NELL1: variants seen among roughly 807,000 people sequenced by gnomAD.
NELL1 encodes the protein neural EGFL like 1.
NELL1 carries 76 observed loss-of-function variants against 107.4 expected under a neutral mutation model. The observed-to-expected ratio is 0.71, with a 90% CI of 0.59 to 0.86. The LOEUF is 0.86. Among genes scored for constraint, NELL1 ranks in the 40% least tolerant of loss-of-function variants. NELL1 has a pLI of 0.00. For synonymous variants in NELL1, 353 were observed against 341.2 expected, an observed-to-expected ratio of 1.03 and a Z score of -0.38; for missense variants, 1,024 against 1,005.5, an observed-to-expected ratio of 1.02 and a Z score of -0.25.
chr11:21,321,070 T>G (rs1396485129), intron 14 of NELL1, among the ~76,000 whole-genome samples: 1 of 152,230 alleles, frequency 6.6e-6, no homozygotes, highest in African/African-American at 2.4e-5. Context: ...TTCTAGGATT[T>G]GTTTTAGAAC....
intron 4 of NELL1, among the ~76,000 whole-genome samples, chr11:20,871,851 C>T (rs1252626953): frequency 2.0e-5 from 3 of 151,426 alleles, no homozygotes; most frequent in Non-Finnish European, 4.4e-5. Context: ...AACCCCGTCT[C>T]TACTAAAAAT....
Position 20,808,038 on chromosome 11 carries a change from A to G in NELL1, c.335+24208A>G, listed in dbSNP as rs1038738500. ...ACCCCAATAGCCTGCTTGGTGCTCT[A>G]TCCCACTGTGGCCAAGCTGGTACCT... On this transcript the variant is annotated intron_variant, in intron 3 of 19. Coordinates refer to ENST00000357134, the MANE Select transcript of NELL1 (RefSeq NM_006157.5). Among the ~76,000 whole-genome samples, 9 of 152,292 alleles carry G rather than the reference A, an allele frequency of 5.9e-5. No homozygotes were observed. The East Asian group carries it at 1.2e-3, about 20-fold the overall frequency.
intron 12 of NELL1, among the ~76,000 whole-genome samples, chr11:21,100,042 A>G (rs1005604740): frequency 6.6e-6 from 1 of 151,476 alleles, no homozygotes; most frequent in Admixed American, 6.6e-5. Flanking sequence ...TGAGACACAG[A>G]GTATTGCTTT....
chr11:21,186,556 G>T (rs1449565039), intron 13 of NELL1, among the ~76,000 whole-genome samples: 1 of 151,820 alleles, frequency 6.6e-6, no homozygotes, highest in African/African-American at 2.4e-5. Flanking sequence ...TCCAAGGCTT[G>T]TTAAGCCTTT....
At chr11:21,190,195 T>C (rs1484119670) in intron 13 of NELL1, among the ~76,000 whole-genome samples, 1 of 151,514 alleles carries the variant, frequency 6.6e-6, no homozygotes, top group Non-Finnish European at 1.5e-5. Context: ...TCGTCTAAAA[T>C]ACAAAAATTA....
chr11:20,973,438 A>G (rs537867334), intron 12 of NELL1, among the ~76,000 whole-genome samples: 1 of 152,212 alleles, frequency 6.6e-6, no homozygotes, highest in African/African-American at 2.4e-5. Flanking sequence ...CATATTTTTT[A>G]GGTTAAGAGC....
chr11:21,457,386 T>C (rs1853773689), intron 15 of NELL1, among the ~76,000 whole-genome samples: 1 of 152,110 alleles, frequency 6.6e-6, no homozygotes, highest in Non-Finnish European at 1.5e-5. Flanking sequence ...TTGTTAGAGA[T>C]AGGACTGAAA....
chr11:20,824,520 C>T (rs1857830701), intron 3 of NELL1, among the ~76,000 whole-genome samples: 1 of 150,836 alleles, frequency 6.6e-6, no homozygotes, highest in African/African-American at 2.4e-5. Context: ...CTTGGAGGGC[C>T]CAGAAGACAG....
chr11:20,671,120 A>C (rs912160061), intron 1 of NELL1: 2 of 152,352 alleles, frequency 1.3e-5, no homozygotes, highest in Non-Finnish European at 2.9e-5. Context: ...GAAACCTCCC[A>C]TTCCGTTCCT....
At chr11:21,505,436 A>G (rs969163711) in intron 15 of NELL1, among the ~76,000 whole-genome samples, 1 of 152,086 alleles carries the variant, frequency 6.6e-6, no homozygotes, top group African/African-American at 2.4e-5. Flanking sequence ...GATGGTGACT[A>G]AACTTTAGGA....
chr11:21,238,010 C>T (rs903881290), intron 14 of NELL1, among the ~76,000 whole-genome samples: 11 of 152,042 alleles, frequency 7.2e-5, no homozygotes, highest in African/African-American at 1.4e-4. Flanking sequence ...TAATCAATCA[C>T]GTACTTGAAA....
intron 12 of NELL1, among the ~76,000 whole-genome samples, chr11:21,002,690 A>G (rs1300939250): frequency 6.6e-6 from 1 of 152,154 alleles, no homozygotes; most frequent in South Asian, 2.1e-4. Context: ...TACTGAGAGA[A>G]TTGCCTCATG....
intron 15 of NELL1, among the ~76,000 whole-genome samples, chr11:21,469,516 T>TGTC (rs1854121326): frequency 1.3e-5 from 2 of 152,234 alleles, no homozygotes; most frequent in East Asian, 3.9e-4. Flanking sequence ...TCTCTATAAT[T>TGTC]GTCTTTGCCA....
At chr11:20,855,015 G>T (rs114336953) in intron 4 of NELL1, among the ~76,000 whole-genome samples, 1,926 of 152,266 alleles carry the variant, frequency 0.013, 47 homozygotes, top group African/African-American at 0.044. Flanking sequence ...TACAGTGTTG[G>T]ATATCTCATT....
Position 20,713,108 on chromosome 11 carries a change from G to A in NELL1, c.184+35048G>A, listed in dbSNP as rs192740229. On this transcript the variant is annotated intron_variant, in intron 2 of 19. Coordinates refer to ENST00000357134, the MANE Select transcript of NELL1 (RefSeq NM_006157.5). ...CCTGAGTTGGTTGGCCTCCAGCCAG[G>A]AGGTGGCGCTTTCAAGAGAGCATCA... 3.8e-3 allele frequency among the ~76,000 whole-genome samples: 583 copies of A among 152,316 alleles called. 2 individuals carry two copies. The highest frequency in any genetic ancestry group is 6.6e-3 in the Non-Finnish European group (450 of 68,026).
intron 15 of NELL1, among the ~76,000 whole-genome samples, chr11:21,527,964 A>G (rs1440037657): frequency 6.6e-6 from 1 of 152,068 alleles, no homozygotes; most frequent in East Asian, 1.9e-4. Flanking sequence ...TCAAATGTTA[A>G]TCTCCTTTGG....
intron 5 of NELL1, among the ~76,000 whole-genome samples, chr11:20,888,027 A>G (rs1410205325): frequency 1.3e-5 from 2 of 152,170 alleles, no homozygotes; most frequent in Non-Finnish European, 2.9e-5. Flanking sequence ...AATAATAAAG[A>G]ATGTATGATG....
intron 12 of NELL1, among the ~76,000 whole-genome samples, chr11:20,976,579 A>G (rs570551718): frequency 2.0e-5 from 3 of 152,352 alleles, no homozygotes; most frequent in South Asian, 2.1e-4. Flanking sequence ...AACATTTTAC[A>G]TACCAGATAT....
Position 20,963,949 on chromosome 11 carries a change from A to T in NELL1, c.1300+3389A>T, listed in dbSNP as rs985484335. ...TAAGGTAGAAGCAGAGAGGTGGCATATTGGCTCCTGCTCTGTAGAGATTGT... is the reference window on the plus strand; with the variant it reads ...TAAGGTAGAAGCAGAGAGGTGGCATTTTGGCTCCTGCTCTGTAGAGATTGT... On this transcript the variant is annotated intron_variant, in intron 12 of 19. Coordinates refer to ENST00000357134, the MANE Select transcript of NELL1 (RefSeq NM_006157.5). 2.0e-5 allele frequency among the ~76,000 whole-genome samples: 3 copies of T among 152,130 alleles called. No homozygotes were observed. In the East Asian group the frequency reaches 5.8e-4, roughly 29 times the overall value.
Sources: allele counts gnomAD v4.1 joint callset (sites outside exome capture counted in the v4.1 genomes callset), GRCh38; gene constraint gnomAD v4.1.1; transcripts MANE v1.5; gene names NCBI Gene and HGNC (gene_info 2026-07-23, HGNC 2026-07-21).